The following ELAVL4 variants were observed in gnomAD, a reference collection of about 807,000 sequenced individuals.
The protein encoded by ELAVL4 is ELAV like RNA binding protein 4.
Under a neutral mutation model 35.6 loss-of-function variants are expected in ELAVL4, and 1 was observed. The ratio of observed to expected loss-of-function variants is 0.03; its 90% confidence interval spans 0.01 to 0.13. The LOEUF (loss-of-function observed/expected upper bound fraction) is 0.13. Among genes scored for constraint, ELAVL4 ranks in the 10% least tolerant of loss-of-function variants. The pLI, the probability that ELAVL4 is intolerant of heterozygous loss-of-function variation, is 1.00. For synonymous variants in ELAVL4, 156 were observed against 171.0 expected, an observed-to-expected ratio of 0.91 and a Z score of 0.69; for missense variants, 267 against 464.9, an observed-to-expected ratio of 0.57 and a Z score of 3.91.
chr1:50,053,605 C>G (rs531907412), intron 1 of ELAVL4, among the ~76,000 whole-genome samples: 4 of 152,290 alleles, frequency 2.6e-5, no homozygotes, highest in African/African-American at 9.6e-5. Flanking sequence ...CCACCTCAGC[C>G]TCTCAAAGTG....
At chr1:50,093,260 T>C (rs1432217191) in intron 1 of ELAVL4, among the ~76,000 whole-genome samples, 1 of 152,218 alleles carries the variant, frequency 6.6e-6, no homozygotes, top group Non-Finnish European at 1.5e-5. Flanking sequence ...AGTTTGGATA[T>C]CATTGAGATT....
At chr1:50,163,610 G>C (rs1334661059) in intron 2 of ELAVL4, among the ~76,000 whole-genome samples, 1 of 152,140 alleles carries the variant, frequency 6.6e-6, no homozygotes, top group Non-Finnish European at 1.5e-5. Context: ...CAGATCACTT[G>C]AGGCCAGAAG....
At chr1:50,145,774 C>T (rs1673596207) in intron 2 of ELAVL4, among the ~76,000 whole-genome samples, 1 of 152,160 alleles carries the variant, frequency 6.6e-6, no homozygotes, top group Non-Finnish European at 1.5e-5. Flanking sequence ...TTTATTTTAT[C>T]TGTCTGTTCG....
At chr1:50,184,297 G>T (rs917413998) in intron 3 of ELAVL4, among the ~76,000 whole-genome samples, 1 of 152,034 alleles carries the variant, frequency 6.6e-6, no homozygotes, top group Non-Finnish European at 1.5e-5. Context: ...GACCGGTATG[G>T]GTTGGGAAGG....
chr1:50,072,116 T>A (rs1290666262), intron 1 of ELAVL4, among the ~76,000 whole-genome samples: 1 of 152,186 alleles, frequency 6.6e-6, no homozygotes, highest in African/African-American at 2.4e-5. Flanking sequence ...CCTGTTTGCA[T>A]TTATAAGCAT....
intron 1 of ELAVL4, among the ~76,000 whole-genome samples, chr1:50,124,568 T>C (rs1669567784): frequency 6.6e-6 from 1 of 152,114 alleles, no homozygotes. Flanking sequence ...TCCTATTTTA[T>C]CTTACTCATC....
intron 1 of ELAVL4, among the ~76,000 whole-genome samples, chr1:50,060,848 C>T (rs1466311282): frequency 2.0e-5 from 3 of 152,198 alleles, no homozygotes; most frequent in African/African-American, 7.2e-5. Context: ...CTTCCTCTGG[C>T]CAGGTACCCT....
chr1:50,052,895 T>C (rs1663462163), intron 1 of ELAVL4, among the ~76,000 whole-genome samples: 1 of 152,240 alleles, frequency 6.6e-6, no homozygotes, highest in South Asian at 2.1e-4. Context: ...CTATGTGTGT[T>C]ACTGTTACTA....
Position 50,109,020 on chromosome 1 carries a change from C to G in ELAVL4, c.-170C>G. On this transcript the variant is annotated 5_prime_UTR_variant, in exon 1 of 7. Transcript: ENST00000371824. ...TTTTCTTTTTTTTCTTTCTCTCCCC[C>G]GCCCACCCCCCCAAAAATAATTGAT... The G allele has an allele frequency of 6.1e-6, 3 of 489,216 alleles. No homozygotes were observed. The highest frequency in any genetic ancestry group is 7.8e-6 in the Non-Finnish European group (3 of 385,396). The allele number at this position is 489,216 out of a possible 1,614,324, so 30.3% of individuals were successfully genotyped here.
At chr1:50,068,379 G>A (rs1320963675) in intron 1 of ELAVL4, among the ~76,000 whole-genome samples, 2 of 152,142 alleles carry the variant, frequency 1.3e-5, no homozygotes, top group African/African-American at 4.8e-5. Context: ...TATTTTGAAG[G>A]ATTTTCAAGA....
At position 50,201,263 on chromosome 1, in the gene ELAVL4, G is replaced by C. The variant is rs1246326534; in HGVS notation, c.*85G>C. 32 of 1,412,646 alleles carry C rather than the reference G, an allele frequency of 2.3e-5. No homozygotes were observed. Among genetic ancestry groups the C allele is most frequent in the Non-Finnish European group, 2.9e-5 (31 of 1,078,204 alleles). 87.5% of individuals were successfully genotyped at this position (1,412,646 alleles called of 1,614,324 possible). The stretch of plus-strand genomic sequence containing the variant: ...CGCACACACACACATACACGAAAGA[G>C]AGAGAAACAAACTTTTCAAGGCTTA... On this transcript the variant is annotated 3_prime_UTR_variant, in exon 7 of 7. Transcript: ENST00000371824. This position sits in a 1 kb window ranked among gnomAD's most constrained non-coding sequence, Gnocchi z 4.3.
chr1:50,063,783 C>G (rs1024442640), intron 1 of ELAVL4, among the ~76,000 whole-genome samples: 1 of 152,156 alleles, frequency 6.6e-6, no homozygotes, highest in African/African-American at 2.4e-5. Context: ...CACTGCCTTC[C>G]TTTTCTCAGA....
intron 1 of ELAVL4, among the ~76,000 whole-genome samples, chr1:50,074,291 T>A (rs1664663928): frequency 6.6e-6 from 1 of 152,224 alleles, no homozygotes; most frequent in Non-Finnish European, 1.5e-5. Flanking sequence ...TCTTGCTGTA[T>A]TTACTTCAGA....
At chr1:50,144,571 C>T (rs1469379278) in intron 1 of ELAVL4, 1 of 469,488 alleles carries the variant, frequency 2.1e-6, no homozygotes, top group African/African-American at 2.0e-5. Context: ...CTATATTTAG[C>T]TTTTTCAGCT....
At chr1:50,192,668 G>A (rs1278557901) in intron 3 of ELAVL4, among the ~76,000 whole-genome samples, 12 of 151,952 alleles carry the variant, frequency 7.9e-5, no homozygotes, top group Admixed American at 2.6e-4. Context: ...CCTGTCCAAC[G>A]TTGTCAGATG....
chr1:50,154,773 TG>T (rs1675417959), intron 2 of ELAVL4, among the ~76,000 whole-genome samples: 2 of 151,910 alleles, frequency 1.3e-5, no homozygotes, highest in African/African-American at 4.8e-5. Flanking sequence ...TGTGTGTGTG[TG>T]TGTGTGTGTG....
intron 3 of ELAVL4, among the ~76,000 whole-genome samples, chr1:50,191,545 C>T (rs1682659707): frequency 6.6e-6 from 1 of 152,028 alleles, no homozygotes; most frequent in African/African-American, 2.4e-5. Flanking sequence ...GTGCTGGGAG[C>T]TAGAGTCACA....
chr1:50,155,491 C>G (rs1429770482), intron 2 of ELAVL4, among the ~76,000 whole-genome samples: 1 of 152,052 alleles, frequency 6.6e-6, no homozygotes, highest in Non-Finnish European at 1.5e-5. Context: ...GATTGATTGA[C>G]TTGCTTTTTA....
chr1:50,187,475 A>G (rs1220040684), intron 3 of ELAVL4, among the ~76,000 whole-genome samples: 1 of 152,148 alleles, frequency 6.6e-6, no homozygotes, highest in Non-Finnish European at 1.5e-5. Context: ...TAAGTGACTC[A>G]CCCCATAGTC....
Sources: gnomAD v4.1 joint callset for allele counts (sites outside exome capture counted in the v4.1 genomes callset) on GRCh38, gnomAD v4.1.1 for gene constraint, Gnocchi (gnomAD v3.1) non-coding constraint, MANE v1.5 for transcripts, NCBI Gene and HGNC (gene_info 2026-07-23, HGNC 2026-07-21) for gene names.